STAU1: variants seen among roughly 807,000 people sequenced by gnomAD.
STAU1 encodes staufen double-stranded RNA binding protein 1.
A neutral mutation model predicts 62.9 loss-of-function variants in STAU1; 13 were observed. That is an observed-to-expected ratio of 0.21 (90% confidence interval 0.13 to 0.33). The LOEUF (loss-of-function observed/expected upper bound fraction) is 0.33, where lower values mean the gene tolerates loss of function less well. Among genes scored for constraint, STAU1 ranks in the 10% least tolerant of loss-of-function variants. The probability of loss-of-function intolerance (pLI) is 1.00; values close to 1 mark genes in which losing one functional copy is unlikely to be tolerated. For synonymous variants in STAU1, 269 were observed against 265.1 expected (o/e 1.01, Z -0.14); for missense variants, 571 against 712.1 (o/e 0.80, Z 2.25).
At chr20:49,150,041 T>C (rs1007714698) in intron 5 of STAU1, among the ~76,000 whole-genome samples, 1 of 152,236 alleles carries the variant, frequency 6.6e-6, no homozygotes, top group Admixed American at 6.5e-5. Context: ...AACAGAATTA[T>C]GAAATCTCAA....
intron 3 of STAU1, among the ~76,000 whole-genome samples, chr20:49,163,644 T>C (rs2093483739): frequency 6.6e-6 from 1 of 152,170 alleles, no homozygotes; most frequent in South Asian, 2.1e-4. Context: ...CAGGCTGGTC[T>C]CAAACTCCAG....
chr20:49,146,294 C>T (rs2093130589), intron 5 of STAU1, among the ~76,000 whole-genome samples: 1 of 151,986 alleles, frequency 6.6e-6, no homozygotes, highest in African/African-American at 2.4e-5. Flanking sequence ...ACAAATGGGT[C>T]TCTAATTTTA....
At chr20:49,158,637 C>T (rs2093401319) in intron 3 of STAU1, 5 of 614,422 alleles carry the variant, frequency 8.1e-6, no homozygotes, top group South Asian at 7.0e-5. Flanking sequence ...TAGTGAAACC[C>T]CATCTCTACT....
the STAU1 span, among the ~76,000 whole-genome samples, chr20:49,193,633 T>G: frequency 6.6e-6 from 1 of 151,738 alleles, no homozygotes; most frequent in African/African-American, 2.4e-5. Flanking sequence ...ATCATACCAC[T>G]GCAACTCCAG....
intron 1 of STAU1, among the ~76,000 whole-genome samples, chr20:49,177,493 A>T (rs1209528148): frequency 6.6e-6 from 1 of 151,866 alleles, no homozygotes; most frequent in East Asian, 2.0e-4. Flanking sequence ...CCTGGCTAAC[A>T]CAGTGAAACC....
the STAU1 span, among the ~76,000 whole-genome samples, chr20:49,202,878 T>TA: frequency 6.7e-6 from 1 of 149,428 alleles, no homozygotes; most frequent in Non-Finnish European, 1.5e-5. Context: ...CTGTCTCTAC[T>TA]AAAAATACAA....
intron 3 of STAU1, among the ~76,000 whole-genome samples, chr20:49,157,869 CG>C (rs1006071031): frequency 1.3e-5 from 2 of 152,094 alleles, no homozygotes; most frequent in Non-Finnish European, 2.9e-5. Flanking sequence ...GTGATCCTCT[CG>C]CCTCAGCCTT....
chr20:49,213,145 A>G, the STAU1 span, among the ~76,000 whole-genome samples: 2 of 152,030 alleles, frequency 1.3e-5, no homozygotes, highest in African/African-American at 2.4e-5. Flanking sequence ...AGCTGGGATT[A>G]TAGGCGCACA....
At position 49,118,851 on chromosome 20, in the gene STAU1, T is replaced by C. The variant is rs145735498; in HGVS notation, c.1114-443A>G. Among the ~76,000 whole-genome samples the C allele has an allele frequency of 1.7e-3, 259 of 152,340 alleles. 1 individual carries two copies. The highest frequency in any genetic ancestry group is 0.015 in the Admixed American group (223 of 15,298). ...GGTGACATTCCAAAATTAACACCCT[T>C]ACGGGGAAAATGTTATTACCTAAGA... On this transcript the variant is annotated intron_variant, in intron 9 of 13. Coordinates refer to ENST00000371856, the MANE Select transcript of STAU1 (RefSeq NM_017453.4).
upstream of STAU1, among the ~76,000 whole-genome samples, chr20:49,191,645 A>C (rs951616727): frequency 3.3e-5 from 5 of 152,198 alleles, no homozygotes; most frequent in Non-Finnish European, 7.3e-5. Context: ...AGCACAGGAG[A>C]ACAAGGTTGA....
At chr20:49,202,166 G>A in the STAU1 span, among the ~76,000 whole-genome samples, 1 of 148,452 alleles carries the variant, frequency 6.7e-6, no homozygotes, top group Admixed American at 6.9e-5. Context: ...CTTGCAGTGA[G>A]CCAACATCGT....
At chr20:49,211,188 G>C in the STAU1 span, among the ~76,000 whole-genome samples, 2 of 152,002 alleles carry the variant, frequency 1.3e-5, no homozygotes, top group Non-Finnish European at 2.9e-5. Flanking sequence ...GCCATTATAT[G>C]GATATACCAC....
chr20:49,125,492 T>G lies in STAU1; in HGVS notation c.610-905A>C, dbSNP rs535080174. On this transcript the variant is annotated intron_variant, in intron 6 of 13. Coordinates refer to ENST00000371856, the MANE Select transcript of STAU1 (RefSeq NM_017453.4). ...TTGCAGTGATCCAAGATCACAAAAC[T>G]GCACTCCAGCCTAAGCGATAGAGTA... 1.0e-3 allele frequency among the ~76,000 whole-genome samples: 136 copies of G among 135,320 alleles called. 1 individual carries two copies. Among genetic ancestry groups the G allele is most frequent in the African/African-American group, 3.7e-3 (131 of 35,022 alleles). The allele number at this position is 135,320 out of a possible 152,430, so 88.8% of individuals were successfully genotyped here.
At chr20:49,125,076 A>AAAAAAC (rs1209198509) in intron 6 of STAU1, among the ~76,000 whole-genome samples, 1 of 150,160 alleles carries the variant, frequency 6.7e-6, no homozygotes, top group Non-Finnish European at 1.5e-5. Context: ...TTAAGTAAAA[A>AAAAAAC]AAAAAAAAAA....
intron 1 of STAU1, among the ~76,000 whole-genome samples, chr20:49,181,935 GC>G (rs1396646204): frequency 6.6e-6 from 1 of 151,994 alleles, no homozygotes; most frequent in Non-Finnish European, 1.5e-5. Context: ...TAATAAAATG[GC>G]CAGTTTTGCT....
chr20:49,145,993 C>A (rs1326909427), intron 5 of STAU1, among the ~76,000 whole-genome samples: 1 of 152,156 alleles, frequency 6.6e-6, no homozygotes, highest in African/African-American at 2.4e-5. Context: ...TCAGGCCAGG[C>A]GCTATGGCTC....
At chr20:49,141,246 A>G (rs191540905) in intron 5 of STAU1, among the ~76,000 whole-genome samples, 2 of 152,116 alleles carry the variant, frequency 1.3e-5, no homozygotes, top group African/African-American at 4.8e-5. Context: ...GATTTATCCA[A>G]TGTCAATAGT....
chr20:49,174,363 A>T (rs2093632693), intron 1 of STAU1, 94 bp from the exon 2 acceptor site: 1 of 152,202 alleles, frequency 6.6e-6, no homozygotes, highest in African/African-American at 2.4e-5. Context: ...CCTATAATTT[A>T]CAAGTAGGGA....
chr20:49,184,329 G>A (rs1039335666), intron 1 of STAU1, among the ~76,000 whole-genome samples: 3 of 152,082 alleles, frequency 2.0e-5, no homozygotes, highest in African/African-American at 4.8e-5. Flanking sequence ...CAGGGTTGGG[G>A]TGGCTGGAGC....
Sources: gnomAD v4.1 joint callset for allele counts (sites outside exome capture counted in the v4.1 genomes callset) on GRCh38, gnomAD v4.1.1 for gene constraint, MANE v1.5 for transcripts, NCBI Gene and HGNC (gene_info 2026-07-23, HGNC 2026-07-21) for gene names.